Variants in CNTNAP3 observed in about 807,000 individuals in gnomAD.
The protein encoded by CNTNAP3 is contactin associated protein family member 3.
CNTNAP3 carries 36 observed loss-of-function variants against 92.1 expected under a neutral mutation model. That is an observed-to-expected ratio of 0.39 (90% CI 0.30 to 0.52). The LOEUF is 0.52. Ranked by LOEUF, CNTNAP3 falls within the 20% of genes least tolerant of loss-of-function variation. CNTNAP3 has a pLI of 0.76. For missense variants in CNTNAP3, 534 were observed against 1,069.6 expected (o/e 0.50, Z 6.98); for synonymous variants, 232 against 422.3 (o/e 0.55, Z 5.53).
Position 39,142,928 on chromosome 9 carries a change from A to T in CNTNAP3, c.1756+1312T>A, listed in dbSNP as rs546483950. Among the ~76,000 whole-genome samples the T allele has an allele frequency of 3.3e-5, 5 of 152,058 alleles. No individual in the cohort carries two copies. In the East Asian group the frequency reaches 9.7e-4, roughly 30 times the overall value. ...AATGTCTCACGGAAGAGTTCTTAAA[A>T]GTTTCAATTAGGAACTCAGGATGAG... On this transcript the variant is annotated intron_variant, in intron 11 of 23. Transcript: ENST00000297668.
At chr9:39,111,541 G>A (rs1826748045) in intron 14 of CNTNAP3, among the ~76,000 whole-genome samples, 1 of 152,116 alleles carries the variant, frequency 6.6e-6, no homozygotes, top group Non-Finnish European at 1.5e-5. Flanking sequence ...TTCAGCTTTA[G>A]AGTGGATTGA....
At chr9:39,121,915 C>T (rs1821032098) in intron 13 of CNTNAP3, among the ~76,000 whole-genome samples, 2 of 152,114 alleles carry the variant, frequency 1.3e-5, no homozygotes, top group East Asian at 3.9e-4. Flanking sequence ...GAGCCTAAAC[C>T]ACCTAGGGGA....
chr9:39,100,569 G>C (rs1343672093), intron 17 of CNTNAP3, among the ~76,000 whole-genome samples: 4 of 150,156 alleles, frequency 2.7e-5, no homozygotes, highest in African/African-American at 4.9e-5. Flanking sequence ...GGTTAGGTAT[G>C]AACTTCCAAA....
intron 15 of CNTNAP3, 151 bp from the exon 16 acceptor site, chr9:39,104,065 C>T (rs1384256078): frequency 8.4e-6 from 11 of 1,314,436 alleles, no homozygotes; most frequent in Non-Finnish European, 1.1e-5. Flanking sequence ...ATGTCATATA[C>T]TGATGACATC....
intron 13 of CNTNAP3, among the ~76,000 whole-genome samples, chr9:39,123,753 C>G (rs1265122580): frequency 3.3e-5 from 5 of 152,098 alleles, no homozygotes; most frequent in Admixed American, 6.5e-5. Context: ...CTTAAGGAAC[C>G]ATGCAAGCAA....
rs1316908237 is a variant in CNTNAP3 at position 39,133,086 on chromosome 9, G to A, written c.1926C>T (p.Thr642=). The change falls in exon 13 of 24, where the codon ACC becomes ACT. Residue 642 remains threonine, a synonymous_variant. Coordinates refer to ENST00000297668, the MANE Select transcript of CNTNAP3 (RefSeq NM_033655.5). The part of the protein sequence containing the change: ...VVQHGGPDAV[T]LRGAPSGHPR... ...GGTGCCCGCTGGGGGCACCTCGGAG[G>A]GTCACCGCGTCGGGGCCACCGTGCT... is the stretch of plus-strand genomic sequence containing the variant. The A allele has an allele frequency of 5.1e-6, 8 of 1,568,970 alleles. No individual in the cohort carries two copies. Among genetic ancestry groups the A allele is most frequent in the Non-Finnish European group, 6.9e-6 (8 of 1,163,904 alleles).
At position 39,068,891 on chromosome 9, in the gene CNTNAP3, TCA is replaced by T. The variant is rs1300998347; in HGVS notation, c.*4997_*4998del. On this transcript the variant is annotated 3_prime_UTR_variant, in exon 24 of 24. Coordinates refer to ENST00000297668, the MANE Select transcript of CNTNAP3 (RefSeq NM_033655.5). ...GTCCAGTGTACTGAAAACCATAGTT[TCA>T]TATATTTTGTCTGGTTTGAGGTTGT... Among the ~76,000 whole-genome samples, 1 of 152,430 alleles carries T rather than the reference TCA, an allele frequency of 6.6e-6. No individual in the cohort carries two copies. Among genetic ancestry groups the T allele is most frequent in the South Asian group, 2.1e-4 (1 of 4,834 alleles).
Position 39,065,046 on chromosome 9 carries a change from CAG to C in CNTNAP3, c.*8842_*8843del, listed in dbSNP as rs1262115783. 2.0e-5 allele frequency among the ~76,000 whole-genome samples: 3 copies of C among 152,348 alleles called. No homozygotes were observed. The highest frequency in any genetic ancestry group is 6.5e-5 in the Admixed American group (1 of 15,312). ...ATATACAAATTCCAAATATGAAATT[CAG>C]AGTTTTGACAAATGTCCACACCAAT... On this transcript the variant is annotated 3_prime_UTR_variant, in exon 24 of 24. Transcript: ENST00000297668.
intron 18 of CNTNAP3, among the ~76,000 whole-genome samples, chr9:39,090,870 C>T (rs1218318164): frequency 1.3e-5 from 2 of 152,290 alleles, no homozygotes; most frequent in African/African-American, 2.4e-5. Flanking sequence ...TCTTTCAATG[C>T]TTTATAGTTT....
chr9:39,140,877 T>C (rs1469305979), intron 11 of CNTNAP3, among the ~76,000 whole-genome samples: 1 of 152,152 alleles, frequency 6.6e-6, no homozygotes, highest in African/African-American at 2.4e-5. Context: ...ATGTTGGATG[T>C]TGTTAGATGC....
intron 18 of CNTNAP3, among the ~76,000 whole-genome samples, chr9:39,089,551 C>T (rs542412108): frequency 3.9e-5 from 6 of 152,136 alleles, no homozygotes; most frequent in African/African-American, 1.4e-4. Context: ...TCTATGGACA[C>T]GTTTTTATTT....
At chr9:39,118,389 T>A (rs1209174185) in intron 13 of CNTNAP3, 130 bp from the exon 14 acceptor site, 25 of 1,316,648 alleles carry the variant, frequency 1.9e-5, no homozygotes, top group Non-Finnish European at 2.4e-5. Flanking sequence ...GAAACTATAC[T>A]TAAATACTTG....
intron 13 of CNTNAP3, among the ~76,000 whole-genome samples, chr9:39,124,037 T>G (rs1377502812): frequency 1.3e-5 from 2 of 152,112 alleles, no homozygotes; most frequent in Non-Finnish European, 1.5e-5. Context: ...ATCTAGTGTC[T>G]TCTTCTTAAT....
intron 18 of CNTNAP3, among the ~76,000 whole-genome samples, chr9:39,099,554 G>A (rs926931024): frequency 2.0e-5 from 3 of 152,034 alleles, no homozygotes; most frequent in African/African-American, 4.8e-5. Flanking sequence ...ATAGCAATAC[G>A]TTGTCTCTAA....
intron 10 of CNTNAP3, among the ~76,000 whole-genome samples, chr9:39,144,897 A>G (rs2118112482): frequency 6.6e-6 from 1 of 151,922 alleles, no homozygotes; most frequent in Non-Finnish European, 1.5e-5. Flanking sequence ...CACTGGTAAT[A>G]TGTCAATATG....
At chr9:39,086,565 G>A in intron 20 of CNTNAP3, 151 bp downstream of exon 20, 1 of 977,192 alleles carries the variant, frequency 1.0e-6, no homozygotes, top group South Asian at 2.0e-5. Flanking sequence ...CTCTCTCCCA[G>A]ATCCTGGCCA....
At chr9:39,123,031 T>C (rs1247556042) in intron 13 of CNTNAP3, among the ~76,000 whole-genome samples, 1 of 151,758 alleles carries the variant, frequency 6.6e-6, no homozygotes, top group East Asian at 1.9e-4. Flanking sequence ...AATTTTTCCA[T>C]TAAACACAAA....
intron 13 of CNTNAP3, among the ~76,000 whole-genome samples, chr9:39,123,237 G>A (rs540851717): frequency 6.6e-6 from 1 of 151,816 alleles, no homozygotes; most frequent in African/African-American, 2.4e-5. Flanking sequence ...TGGGACTACA[G>A]GCGCCCGCCA....
chr9:39,108,964 T>C (rs1352207668), intron 15 of CNTNAP3, among the ~76,000 whole-genome samples, 196 bp downstream of exon 15: 3 of 152,144 alleles, frequency 2.0e-5, no homozygotes, highest in Non-Finnish European at 2.9e-5. Context: ...TCATTTTCTA[T>C]AAACTAATGC....
Sources: allele counts gnomAD v4.1 joint callset (sites outside exome capture counted in the v4.1 genomes callset), GRCh38; gene constraint gnomAD v4.1.1; transcripts MANE v1.5; gene names NCBI Gene and HGNC (gene_info 2026-07-23, HGNC 2026-07-21).